The following RLF variants were observed in gnomAD, a reference collection of about 807,000 sequenced individuals.
RLF encodes the protein RLF zinc finger, also known as zinc finger protein Rlf.
RLF carries 7 observed loss-of-function variants against 162.9 expected under a neutral mutation model. That is an observed-to-expected ratio of 0.04 (90% CI 0.02 to 0.08). The LOEUF (loss-of-function observed/expected upper bound fraction) is 0.08. RLF is among the 10% of genes least tolerant of loss of function. RLF has a pLI of 1.00. For synonymous variants in RLF, 782 were observed against 791.5 expected (o/e 0.99, Z 0.20); for missense variants, 1,664 against 2,244.7 (o/e 0.74, Z 5.23).
At position 40,237,365 on chromosome 1, in the gene RLF, TGAAAGAAAA is replaced by T; in HGVS notation, c.2664_2672del (p.Lys889_Asn891del). ...ATAGATACAGAAACTGCAGAAAACC[TGAAAGAAAA>T]CAGTGACAGTAATTCTAGTGATCAG... On this transcript the variant is annotated inframe_deletion, in exon 8 of 8. Transcript: ENST00000372771. This position sits in a 1 kb window ranked among gnomAD's most constrained non-coding sequence, Gnocchi z 4.4. The T allele has an allele frequency of 6.2e-7, 1 of 1,613,794 alleles. No individual in the cohort carries two copies. The highest frequency in any genetic ancestry group is 8.5e-7 in the Non-Finnish European group (1 of 1,179,932).
intron 5 of RLF, among the ~76,000 whole-genome samples, chr1:40,204,803 A>G (rs1032306195): frequency 3.3e-5 from 5 of 152,124 alleles, no homozygotes; most frequent in Non-Finnish European, 7.3e-5. Context: ...ACTATACTGT[A>G]ATACTTTCTG....
At chr1:40,162,652 C>T (rs1642109592) in intron 1 of RLF, among the ~76,000 whole-genome samples, 1 of 152,134 alleles carries the variant, frequency 6.6e-6, no homozygotes, top group African/African-American at 2.4e-5. Flanking sequence ...CTCTGTTGGT[C>T]CGGAGTAGAA....
intron 1 of RLF, among the ~76,000 whole-genome samples, chr1:40,162,849 C>T (rs1013753128): frequency 6.6e-6 from 1 of 152,166 alleles, no homozygotes; most frequent in Admixed American, 6.5e-5. Context: ...TCTCTGCTTC[C>T]TTAGTAGTAG....
At chr1:40,218,385 C>T (rs1343876824) in intron 5 of RLF, among the ~76,000 whole-genome samples, 2 of 152,194 alleles carry the variant, frequency 1.3e-5, no homozygotes, top group Admixed American at 1.3e-4. Flanking sequence ...TGCAAAACTG[C>T]ACAACTCTGT....
intron 5 of RLF, among the ~76,000 whole-genome samples, chr1:40,219,275 A>G (rs1224708152): frequency 6.6e-6 from 1 of 152,220 alleles, no homozygotes; most frequent in Non-Finnish European, 1.5e-5. Flanking sequence ...TATTTGGGGC[A>G]TAATACTGAG....
chr1:40,197,107 A>G (rs1003627211), intron 4 of RLF, among the ~76,000 whole-genome samples: 3 of 152,192 alleles, frequency 2.0e-5, no homozygotes, highest in Non-Finnish European at 4.4e-5. Context: ...AAGCTTAAGC[A>G]CCTACCATAT....
rs918924269 is a variant in RLF at position 40,161,690 on chromosome 1, A to G, written c.237+54A>G. 1.1e-5 allele frequency: 18 copies of G among 1,594,676 alleles called. No individual in the cohort carries two copies. The Admixed American group carries it at 3.1e-4, about 28-fold the overall frequency. On this transcript the variant is annotated intron_variant, in intron 1 of 7. Transcript: ENST00000372771. This position sits in a 1 kb window ranked among gnomAD's most constrained non-coding sequence, Gnocchi z 4.4. ...GGCGGGGCGGGGAAGTCAGGGAAGGAGGCCCTGGATCCTCTGTAAGCAGCC... is the reference window on the plus strand; with the variant it reads ...GGCGGGGCGGGGAAGTCAGGGAAGGGGGCCCTGGATCCTCTGTAAGCAGCC...
In RLF at chr1:40,161,476, A is replaced by G. The variant is rs752098342; in HGVS notation, c.77A>G (p.Asp26Gly). The change falls in exon 1 of 8, where the codon GAT (aspartate) becomes GGT (glycine). Residue 26 changes from aspartate (D) to glycine (G), a missense_variant. Around this residue, in one of 15 missense-constraint regions of RLF, gnomAD observed 134 missense variants for 124.3 expected, o/e 1.08. Transcript: ENST00000372771. The surrounding 1 kb of genome is among the most constrained non-coding windows in gnomAD (Gnocchi z 4.4). ...AEAPAVAGAG[D>G]GVETESMVRG... ...GCTCCGGCGGTAGCGGGAGCCGGAG[A>G]TGGAGTCGAGACTGAGTCCATGGTT... 1.6e-5 allele frequency: 25 copies of G among 1,580,408 alleles called. No homozygotes were observed. The East Asian group carries it at 4.0e-4, about 26-fold the overall frequency.
At chr1:40,211,212 A>G (rs961920443) in intron 5 of RLF, among the ~76,000 whole-genome samples, 20 of 152,212 alleles carry the variant, frequency 1.3e-4, no homozygotes, top group Middle Eastern at 3.2e-3. Context: ...TTTCCAGTCT[A>G]TTTCAGTGGT....
intron 5 of RLF, among the ~76,000 whole-genome samples, chr1:40,213,298 T>C (rs1642885714): frequency 6.6e-6 from 1 of 152,196 alleles, no homozygotes; most frequent in Non-Finnish European, 1.5e-5. Flanking sequence ...TTTTGGTTGG[T>C]GTATGATTGC....
chr1:40,231,034 C>CT (rs2124559382), intron 6 of RLF, among the ~76,000 whole-genome samples: 1 of 152,304 alleles, frequency 6.6e-6, no homozygotes, highest in South Asian at 2.1e-4. Context: ...ACTACAGGCT[C>CT]TAAGTAGCAT....
intron 1 of RLF, among the ~76,000 whole-genome samples, chr1:40,182,781 A>ATAGG (rs1467384719): frequency 6.6e-6 from 1 of 152,136 alleles, no homozygotes; most frequent in East Asian, 1.9e-4. Flanking sequence ...AGATAGATAG[A>ATAGG]TAGATAGATA....
chr1:40,164,822 A>G, intron 1 of RLF, among the ~76,000 whole-genome samples: 1 of 152,210 alleles, frequency 6.6e-6, no homozygotes, highest in East Asian at 1.9e-4. Flanking sequence ...TTTTATGAGT[A>G]AACCACGTTT....
At chr1:40,224,474 A>G (rs796245588) in intron 6 of RLF, among the ~76,000 whole-genome samples, 24 of 149,110 alleles carry the variant, frequency 1.6e-4, no homozygotes, top group Admixed American at 4.0e-4. Flanking sequence ...ACTGGGTTTC[A>G]CCATGTTGGT....
rs755590266 is a variant in RLF, at chr1:40,230,114, C to CA, written c.948-1389dup. ...GGGCAACAAGAGCAAAGCTCCGTCTCAAAAAAAAAAAAAAGAAGAAAAGAA... is the reference window on the plus strand; with the variant it reads ...GGGCAACAAGAGCAAAGCTCCGTCTCAAAAAAAAAAAAAAAGAAGAAAAGAA... On this transcript the variant is annotated intron_variant, in intron 6 of 7. Transcript: ENST00000372771. 7.7e-3 allele frequency among the ~76,000 whole-genome samples: 829 copies of CA among 107,432 alleles called. 12 individuals carry two copies. Among genetic ancestry groups the CA allele is most frequent in the East Asian group, 0.041 (168 of 4,140 alleles). 70.5% of individuals were successfully genotyped at this position (107,432 alleles called of 152,430 possible). A position where few individuals can be genotyped will look rare whatever the true frequency, so the allele number is the denominator to read the frequency against.
chr1:40,197,367 A>G (rs1642651438), intron 4 of RLF, among the ~76,000 whole-genome samples: 1 of 152,252 alleles, frequency 6.6e-6, no homozygotes, highest in Non-Finnish European at 1.5e-5. Flanking sequence ...TGTTATTGAC[A>G]AAAGCTGTTA....
chr1:40,162,950 T>A (rs1049228030), intron 1 of RLF, among the ~76,000 whole-genome samples: 1 of 152,136 alleles, frequency 6.6e-6, no homozygotes, highest in Non-Finnish European at 1.5e-5. Flanking sequence ...TGGGGAAACA[T>A]GAGTAAGACA....
rs1642730145 is a variant in RLF at position 40,202,440 on chromosome 1, T to G, written c.636T>G (p.Pro212=). The G allele has an allele frequency of 1.3e-6, 2 of 1,577,596 alleles. No individual in the cohort carries two copies. Among genetic ancestry groups the G allele is most frequent in the Non-Finnish European group, 1.7e-6 (2 of 1,169,068 alleles). ...ATAAATTGATTGCACAAGAAGGACC[T>G]TCCTTTCTGCAAATGCGAATAAAAC... ...EVNKLIAQEG[P]SFLQMRIKHL... Residue 212 remains proline, a synonymous_variant, in exon 5 of 8, where the codon CCT becomes CCG. Transcript: ENST00000372771.
At chr1:40,206,864 C>T (rs890992321) in intron 5 of RLF, among the ~76,000 whole-genome samples, 4 of 152,304 alleles carry the variant, frequency 2.6e-5, no homozygotes, top group African/African-American at 7.2e-5. Context: ...TACCTCATGT[C>T]TGCTCTAAAT....
Sources: gnomAD v4.1 joint callset for allele counts (sites outside exome capture counted in the v4.1 genomes callset) on GRCh38, gnomAD v4.1.1 for gene constraint, gnomAD v4.1.1 regional missense constraint, Gnocchi (gnomAD v3.1) non-coding constraint, MANE v1.5 for transcripts, NCBI Gene and HGNC (gene_info 2026-07-23, HGNC 2026-07-21) for gene names.